CLVS2: variants seen among roughly 807,000 people sequenced by gnomAD.
CLVS2 encodes the protein clavesin-2.
A neutral mutation model predicts 29.0 loss-of-function variants in CLVS2; 19 were observed. The ratio of observed to expected loss-of-function variants is 0.66; its 90% CI spans 0.46 to 0.96. The LOEUF is 0.96. Ranked by LOEUF, CLVS2 falls within the 40% of genes least tolerant of loss-of-function variation. The pLI is 0.00. For missense variants in CLVS2, 294 were observed against 404.1 expected, an observed-to-expected ratio of 0.73 and a Z score of 2.34; for synonymous variants, 161 against 151.3, an observed-to-expected ratio of 1.06 and a Z score of -0.47.
chr6:123,013,653 TA>T (rs1395241084), intron 3 of CLVS2, among the ~76,000 whole-genome samples: 2 of 151,504 alleles, frequency 1.3e-5, no homozygotes, highest in East Asian at 1.9e-4. Context: ...CATTTTATTT[TA>T]TTTTTTTATT....
In CLVS2 at chr6:123,011,260, A is replaced by C. The variant is rs1201317056; in HGVS notation, c.564+101A>C. ...ATGTCTTACTTACAGAATAACAAAA[A>C]CAAAAAAAATCTGTAGTTTTTGAGC... On this transcript the variant is annotated intron_variant, in intron 3 of 5. Coordinates refer to ENST00000275162, the MANE Select transcript of CLVS2 (RefSeq NM_001010852.4). 3.4e-6 allele frequency: 3 copies of C among 879,156 alleles called. No individual in the cohort carries two copies. In the Admixed American group the frequency reaches 9.7e-5, roughly 28 times the overall value. 54.5% of individuals were successfully genotyped at this position (879,156 alleles called of 1,614,324 possible).
intron 5 of CLVS2, 91 bp downstream of exon 5, chr6:123,056,117 A>G (rs934860525): frequency 1.2e-6 from 1 of 839,860 alleles, no homozygotes; most frequent in Non-Finnish European, 1.9e-6. Flanking sequence ...TTCTGTATAC[A>G]TTTTTCTGGT....
At chr6:123,053,284 C>T (rs1283960766) in intron 4 of CLVS2, among the ~76,000 whole-genome samples, 1 of 152,122 alleles carries the variant, frequency 6.6e-6, no homozygotes, top group Non-Finnish European at 1.5e-5. Flanking sequence ...GCGGAGGTTG[C>T]AGTGAGCTGA....
chr6:123,046,340 C>G (rs747390269), intron 3 of CLVS2, among the ~76,000 whole-genome samples: 14 of 152,064 alleles, frequency 9.2e-5, no homozygotes, highest in Non-Finnish European at 1.8e-4. Context: ...GAAGCATGAC[C>G]TTCTTGTGAT....
At chr6:123,056,411 C>T (rs1208326963) in intron 5 of CLVS2, among the ~76,000 whole-genome samples, 2 of 152,146 alleles carry the variant, frequency 1.3e-5, no homozygotes, top group Non-Finnish European at 2.9e-5. Flanking sequence ...TGGTAACCAC[C>T]ATTCTACTAT....
chr6:123,051,605 C>G (rs1009800398), intron 4 of CLVS2, among the ~76,000 whole-genome samples: 1 of 152,202 alleles, frequency 6.6e-6, no homozygotes, highest in Non-Finnish European at 1.5e-5. Context: ...TACTAATTGG[C>G]ACAAATTTCT....
rs373212881 is a variant in CLVS2, at chr6:123,000,221, G to A, written c.389+2055G>A. On this transcript the variant is annotated intron_variant, in intron 2 of 5. Coordinates refer to ENST00000275162, the MANE Select transcript of CLVS2 (RefSeq NM_001010852.4). ...TATTTCTATGGTTGGAAATAAACAG[G>A]TATAATCAAGAAATTATCGCACCTC... Among the ~76,000 whole-genome samples, 81 of 152,144 alleles carry A rather than the reference G, an allele frequency of 5.3e-4. 2 individuals carry two copies. The South Asian group carries it at 0.012, about 23-fold the overall frequency.
intron 3 of CLVS2, among the ~76,000 whole-genome samples, chr6:123,039,550 A>G (rs1372080023): frequency 6.6e-6 from 1 of 152,114 alleles, no homozygotes; most frequent in Non-Finnish European, 1.5e-5. Flanking sequence ...TGGTGTGAGA[A>G]TGACTTTGTG....
Position 122,996,357 on chromosome 6 carries a change from A to C in CLVS2, c.-949A>C, listed in dbSNP as rs1189700734. 7.3e-5 allele frequency: 11 copies of C among 151,676 alleles called. No individual in the cohort carries two copies. The highest frequency in any genetic ancestry group is 2.7e-4 in the African/African-American group (11 of 41,138). 9.4% of individuals were successfully genotyped at this position (151,676 alleles called of 1,614,324 possible). On this transcript the variant is annotated 5_prime_UTR_variant, in exon 1 of 6. Coordinates refer to ENST00000275162, the MANE Select transcript of CLVS2 (RefSeq NM_001010852.4). ...GCGCAGCAGCCGCCCCGCTGCGCCCACCTCCCCGGCTGCTCCCGGAGGGCT... is the reference window on the plus strand; with the variant it reads ...GCGCAGCAGCCGCCCCGCTGCGCCCCCCTCCCCGGCTGCTCCCGGAGGGCT...
chr6:123,020,293 G>C (rs559112860), intron 3 of CLVS2, among the ~76,000 whole-genome samples: 3 of 152,108 alleles, frequency 2.0e-5, no homozygotes, highest in African/African-American at 7.2e-5. Context: ...CCCAAGATCT[G>C]AAATGTTTCA....
intron 3 of CLVS2, among the ~76,000 whole-genome samples, chr6:123,026,410 A>G (rs931780365): frequency 2.0e-5 from 3 of 152,210 alleles, no homozygotes; most frequent in African/African-American, 4.8e-5. Flanking sequence ...AAATAAATAT[A>G]CAATGCATTA....
At chr6:123,018,020 TATC>T (rs1252035353) in intron 3 of CLVS2, among the ~76,000 whole-genome samples, 1 of 152,124 alleles carries the variant, frequency 6.6e-6, no homozygotes, top group Admixed American at 6.6e-5. Context: ...TGTGACTTGT[TATC>T]ATTTTGCTTC....
intron 5 of CLVS2, among the ~76,000 whole-genome samples, chr6:123,059,536 T>C (rs888089586): frequency 1.3e-5 from 2 of 152,186 alleles, no homozygotes; most frequent in Non-Finnish European, 2.9e-5. Flanking sequence ...TATTCATAAC[T>C]GAATAGGGAA....
intron 3 of CLVS2, among the ~76,000 whole-genome samples, chr6:123,014,167 G>C (rs1330814949): frequency 1.3e-5 from 2 of 152,012 alleles, no homozygotes; most frequent in African/African-American, 2.4e-5. Context: ...AACCCTTTGG[G>C]TATATACCCA....
chr6:123,027,336 G>C (rs915984896), intron 3 of CLVS2, among the ~76,000 whole-genome samples: 1 of 152,152 alleles, frequency 6.6e-6, no homozygotes, highest in Admixed American at 6.5e-5. Context: ...AAAGAGAAAA[G>C]TTCAAGGAGT....
intron 1 of CLVS2, 111 bp from the exon 2 acceptor site, chr6:122,997,104 TTAAA>T (rs1774520391): frequency 1.3e-5 from 2 of 155,754 alleles, no homozygotes; most frequent in South Asian, 4.1e-4. Context: ...CACAATAATC[TTAAA>T]TAAATCACAC....
At chr6:123,024,930 A>C (rs1774979656) in intron 3 of CLVS2, among the ~76,000 whole-genome samples, 1 of 152,136 alleles carries the variant, frequency 6.6e-6, no homozygotes. Flanking sequence ...TAGTCAACCA[A>C]AAGAAATTCA....
intron 3 of CLVS2, among the ~76,000 whole-genome samples, chr6:123,027,377 G>A (rs890663090): frequency 6.6e-6 from 1 of 152,270 alleles, no homozygotes; most frequent in Admixed American, 6.5e-5. Context: ...TAGCAAACCA[G>A]CCCAGAGATG....
chr6:123,024,824 T>G (rs1239947716), intron 3 of CLVS2, among the ~76,000 whole-genome samples: 1 of 152,132 alleles, frequency 6.6e-6, no homozygotes, highest in Non-Finnish European at 1.5e-5. Context: ...AATGGCAGCA[T>G]AGGGGACGCC....
Sources: gnomAD v4.1 joint callset for allele counts (sites outside exome capture counted in the v4.1 genomes callset) on GRCh38, gnomAD v4.1.1 for gene constraint, MANE v1.5 for transcripts, NCBI Gene and HGNC (gene_info 2026-07-23, HGNC 2026-07-21) for gene names.